Variants in IL1RAPL1 observed in about 807,000 individuals in gnomAD.
IL1RAPL1 encodes the protein interleukin-1 receptor accessory protein-like 1.
Under a neutral mutation model 48.4 loss-of-function variants are expected in IL1RAPL1, and 3 were observed. That is an observed-to-expected ratio of 0.06 (90% CI 0.03 to 0.16). The LOEUF is 0.16. Among genes scored for constraint, IL1RAPL1 ranks in the 10% least tolerant of loss-of-function variants. IL1RAPL1 has a pLI of 1.00. For missense variants in IL1RAPL1, 349 were observed against 530.6 expected, an observed-to-expected ratio of 0.66 and a Z score of 3.36; for synonymous variants, 185 against 187.7, an observed-to-expected ratio of 0.99 and a Z score of 0.12.
At chrX:28,936,286 C>T (rs1459243817) in intron 2 of IL1RAPL1, among the ~76,000 whole-genome samples, 6 of 110,752 alleles carry the variant, frequency 5.4e-5, no homozygotes, top group African/African-American at 1.6e-4. Context: ...AGAACATTCT[C>T]ATGACCTCAG....
intron 5 of IL1RAPL1, among the ~76,000 whole-genome samples, chrX:29,572,144 C>A (rs775983889): frequency 1.8e-5 from 2 of 111,792 alleles, no homozygotes; most frequent in Non-Finnish European, 3.8e-5. Flanking sequence ...TATTCTCAAA[C>A]CAGTTTTGAA....
At chrX:29,715,637 G>A (rs1927461760) in intron 6 of IL1RAPL1, among the ~76,000 whole-genome samples, 2 of 111,361 alleles carry the variant, frequency 1.8e-5, no homozygotes. Context: ...TTCTGGCTAA[G>A]CATTCTTTTC....
intron 6 of IL1RAPL1, among the ~76,000 whole-genome samples, chrX:29,822,608 A>C (rs753437424): frequency 1.4e-4 from 16 of 110,684 alleles, no homozygotes; most frequent in African/African-American, 5.2e-4. Flanking sequence ...TGTAAGTGAG[A>C]TGGGCCACTC....
intron 5 of IL1RAPL1, among the ~76,000 whole-genome samples, chrX:29,661,477 A>T (rs566627072): frequency 5.2e-4 from 58 of 112,427 alleles, no homozygotes; most frequent in Middle Eastern, 4.6e-3. Context: ...CTTATCTCAT[A>T]ATAAATGACT....
At chrX:28,981,063 C>G (rs971153582) in intron 2 of IL1RAPL1, among the ~76,000 whole-genome samples, 1 of 81,210 alleles carries the variant, frequency 1.2e-5, no homozygotes, top group Non-Finnish European at 2.2e-5. Flanking sequence ...TGCACTCCAG[C>G]CTGAGGGACA....
chrX:29,078,371 G>A (rs1401904503), intron 2 of IL1RAPL1, among the ~76,000 whole-genome samples: 1 of 112,355 alleles, frequency 8.9e-6, no homozygotes, highest in Non-Finnish European at 1.9e-5. Context: ...AAAAATTAAG[G>A]CAACTGGGAT....
intron 2 of IL1RAPL1, among the ~76,000 whole-genome samples, chrX:29,218,940 C>T (rs1930925615): frequency 1.8e-5 from 2 of 112,361 alleles, no homozygotes; most frequent in East Asian, 2.8e-4. Flanking sequence ...AACTCACATA[C>T]TTGAGTAAAA....
chrX:29,384,929 GAT>G (rs1234179296), intron 3 of IL1RAPL1, among the ~76,000 whole-genome samples: 1 of 111,825 alleles, frequency 8.9e-6, no homozygotes, highest in Non-Finnish European at 1.9e-5. Context: ...AATGAAATGA[GAT>G]AATGCATTAA....
chrX:29,768,852 C>A, intron 6 of IL1RAPL1, among the ~76,000 whole-genome samples: 1 of 111,822 alleles, frequency 8.9e-6, no homozygotes, highest in Non-Finnish European at 1.9e-5. Flanking sequence ...TGAGCAAAAT[C>A]TCATGCACAT....
intron 3 of IL1RAPL1, among the ~76,000 whole-genome samples, chrX:29,300,576 A>G (rs777780492): frequency 8.9e-6 from 1 of 112,278 alleles, no homozygotes; most frequent in South Asian, 3.7e-4. Context: ...TGATCTTCAA[A>G]TGAATAAGCA....
chrX:29,788,481 G>A (rs182789960), intron 6 of IL1RAPL1, among the ~76,000 whole-genome samples: 294 of 111,587 alleles, frequency 2.6e-3, no homozygotes, highest in African/African-American at 9.1e-3. Context: ...ATTCATAATG[G>A]AAGCTGTTGC....
intron 6 of IL1RAPL1, among the ~76,000 whole-genome samples, chrX:29,698,826 G>A (rs1298527753): frequency 2.7e-5 from 3 of 112,291 alleles, no homozygotes; most frequent in African/African-American, 9.7e-5. Flanking sequence ...GAAGTGGGAA[G>A]TTCCTGCATT....
intron 2 of IL1RAPL1, among the ~76,000 whole-genome samples, chrX:28,910,293 T>C (rs1158233627): frequency 1.8e-5 from 2 of 111,616 alleles, no homozygotes; most frequent in Non-Finnish European, 3.8e-5. Flanking sequence ...CCTGATTCCT[T>C]GTTTGTTATG....
chrX:29,129,532 A>T (rs2147482863), intron 2 of IL1RAPL1, among the ~76,000 whole-genome samples: 1 of 105,524 alleles, frequency 9.5e-6, no homozygotes, highest in East Asian at 3.0e-4. Flanking sequence ...TTCTCTTTGT[A>T]TTTTTTAACT....
At chrX:29,080,390 T>A (rs1927775295) in intron 2 of IL1RAPL1, among the ~76,000 whole-genome samples, 1 of 109,086 alleles carries the variant, frequency 9.2e-6, no homozygotes, top group Non-Finnish European at 1.9e-5. Context: ...AATAAATAAA[T>A]AAATAAACAA....
At chrX:28,707,059 G>A (rs1935382543) in intron 1 of IL1RAPL1, among the ~76,000 whole-genome samples, 1 of 112,462 alleles carries the variant, frequency 8.9e-6, no homozygotes, top group East Asian at 2.8e-4. Flanking sequence ...GGGGGATTAT[G>A]GGCATTTGTT....
intron 6 of IL1RAPL1, among the ~76,000 whole-genome samples, chrX:29,824,734 A>G (rs1341237479): frequency 8.9e-6 from 1 of 111,786 alleles, no homozygotes; most frequent in East Asian, 2.8e-4. Flanking sequence ...TAAACGCATG[A>G]CCTAGAAAGG....
intron 1 of IL1RAPL1, among the ~76,000 whole-genome samples, chrX:28,646,172 G>C (rs1464453633): frequency 8.9e-6 from 1 of 111,995 alleles, no homozygotes; most frequent in Non-Finnish European, 1.9e-5. Context: ...TTCCACCTCA[G>C]AACATCAGGC....
intron 1 of IL1RAPL1, among the ~76,000 whole-genome samples, chrX:28,774,024 C>A (rs1424290458): frequency 8.9e-6 from 1 of 112,022 alleles, no homozygotes; most frequent in Admixed American, 9.5e-5. Flanking sequence ...CAGTTGACCA[C>A]AACTTTCATT....
Sources: gnomAD v4.1 joint callset for allele counts (sites outside exome capture counted in the v4.1 genomes callset) on GRCh38, gnomAD v4.1.1 for gene constraint, MANE v1.5 for transcripts, NCBI Gene and HGNC (gene_info 2026-07-23, HGNC 2026-07-21) for gene names.